ZFYVE26: variants seen among roughly 807,000 people sequenced by gnomAD.
ZFYVE26 encodes the protein zinc finger FYVE-type containing 26, also known as zinc finger FYVE domain-containing protein 26.
ZFYVE26 carries 181 observed loss-of-function variants against 276.5 expected under a neutral mutation model. That is an observed-to-expected ratio of 0.65 (90% confidence interval 0.58 to 0.74). The LOEUF (loss-of-function observed/expected upper bound fraction) is 0.74, where lower values mean the gene tolerates loss of function less well. Ranked by LOEUF, ZFYVE26 falls within the 30% of genes least tolerant of loss-of-function variation. The pLI is 0.00. For missense variants in ZFYVE26, 2,821 were observed against 3,097.9 expected (o/e 0.91, Z 2.12); for synonymous variants, 1,129 against 1,203.1 (o/e 0.94, Z 1.27).
intron 10 of ZFYVE26, among the ~76,000 whole-genome samples, chr14:67,800,770 T>C (rs2040059912): frequency 6.6e-6 from 1 of 152,140 alleles, no homozygotes; most frequent in Non-Finnish European, 1.5e-5. Context: ...AGCCTTTAGC[T>C]CTAAGGTAAA....
chr14:67,729,094 G>T (rs1594867335), intron 14 of ZFYVE26: 2 of 1,247,312 alleles, frequency 1.6e-6, no homozygotes, highest in East Asian at 2.3e-5. Context: ...TGTTTCCTGA[G>T]TCCCTCCTTC....
intron 41 of ZFYVE26, among the ~76,000 whole-genome samples, chr14:67,749,619 G>A (rs1291523607): frequency 6.6e-6 from 1 of 152,110 alleles, no homozygotes; most frequent in African/African-American, 2.4e-5. Context: ...CTGTATCAAT[G>A]CTCCATCTGT....
chr14:67,784,667 A>G (rs2039602258), intron 19 of ZFYVE26, among the ~76,000 whole-genome samples: 1 of 152,224 alleles, frequency 6.6e-6, no homozygotes, highest in African/African-American at 2.4e-5. Context: ...TTCAGTGGGC[A>G]GATCTAGCCA....
intron 38 of ZFYVE26, 42 bp from the exon 39 acceptor site, chr14:67,753,808 C>G (rs1428026135): frequency 3.7e-6 from 6 of 1,601,238 alleles, no homozygotes; most frequent in Non-Finnish European, 5.1e-6. Flanking sequence ...ATGGCAATTA[C>G]TAGAGAATAC....
intron 41 of ZFYVE26, among the ~76,000 whole-genome samples, chr14:67,749,370 C>T (rs1421110237): frequency 6.6e-6 from 1 of 152,134 alleles, no homozygotes; most frequent in East Asian, 1.9e-4. Context: ...CCAAAGGCAG[C>T]TGTTGCAGGA....
At chr14:67,766,195 G>A (rs375164187) in intron 32 of ZFYVE26, 32 bp downstream of exon 32, 115 of 1,604,900 alleles carry the variant, frequency 7.2e-5, no homozygotes, top group Non-Finnish European at 9.6e-5. Flanking sequence ...AACTGCTCCT[G>A]TGTAAAAGAA....
At chr14:67,772,003 T>A in intron 28 of ZFYVE26, 44 bp downstream of exon 28, 1 of 1,601,470 alleles carries the variant, frequency 6.2e-7, no homozygotes, top group South Asian at 1.1e-5. Flanking sequence ...AGAATTCTCC[T>A]TTACCTTCTC....
In ZFYVE26 at chr14:67,772,034, C is replaced by G; in HGVS notation, c.5484+13G>C. The G allele has an allele frequency of 1.2e-6, 2 of 1,609,444 alleles. No homozygotes were observed. Reference sequence around the variant, plus strand: ...TTCTCCTGAGGGTGACAGTGGAGACCGATGCTGCTTACCATGGTGAAGTGC... The same window carrying G: ...TTCTCCTGAGGGTGACAGTGGAGACGGATGCTGCTTACCATGGTGAAGTGC... On this transcript the variant is annotated intron_variant, in intron 28 of 41. Transcript: ENST00000347230.
chr14:67,734,675 G>A (rs1003036825), intron 13 of ZFYVE26, among the ~76,000 whole-genome samples: 6 of 152,208 alleles, frequency 3.9e-5, no homozygotes, highest in Non-Finnish European at 8.8e-5. Flanking sequence ...TAGGCAGACA[G>A]AGAAAAAGCA....
chr14:67,807,980 G>A, intron 4 of ZFYVE26, 60 bp from the exon 5 acceptor site: 1 of 1,585,818 alleles, frequency 6.3e-7, no homozygotes, highest in East Asian at 2.2e-5. Context: ...TATCACTTGT[G>A]TGCCTTCATG....
chr14:67,741,867 C>T (rs2038418164), downstream of ZFYVE26, among the ~76,000 whole-genome samples: 2 of 152,346 alleles, frequency 1.3e-5, no homozygotes, highest in African/African-American at 2.4e-5. Context: ...ACAAAGACTA[C>T]ACCTCCATCA....
At chr14:67,803,308 T>C (rs1330535000) in intron 9 of ZFYVE26, among the ~76,000 whole-genome samples, 1 of 152,110 alleles carries the variant, frequency 6.6e-6, no homozygotes, top group African/African-American at 2.4e-5. Flanking sequence ...GCAAAGATCT[T>C]AGGTTAAAAA....
chr14:67,762,772 T>C lies in ZFYVE26; in HGVS notation c.6059A>G (p.Tyr2020Cys), dbSNP rs371108982. 3.7e-6 allele frequency: 6 copies of C among 1,614,112 alleles called. No homozygotes were observed. In the African/African-American group the frequency reaches 5.3e-5, roughly 14 times the overall value. ...DVLNILVAAAYRHVPSLDQIL... is the reference protein window; with the variant it reads ...DVLNILVAAACRHVPSLDQIL... ...CTGATCCAAAGATGGCACGTGGCGA[T>C]AGGCAGCAGCAACTAAAATATTCAG... The change falls in exon 33 of 42, where the codon TAT becomes TGT. Residue 2020 changes from tyrosine to cysteine, a missense_variant. Transcript: ENST00000347230.
Position 67,815,975 on chromosome 14 carries a change from A to G in ZFYVE26, c.-12T>C, listed in dbSNP as rs1424383066. The G allele has an allele frequency of 6.2e-7, 1 of 1,603,284 alleles. No individual in the cohort carries two copies. The highest frequency in any genetic ancestry group is 8.5e-7 in the Non-Finnish European group (1 of 1,174,896). On this transcript the variant is annotated 5_prime_UTR_variant, in exon 2 of 42. Transcript: ENST00000347230. ...AATGGATGATTCATTTTCCCAGCACAGAGTGCAGGGAGATACAAAGAAATG... is the reference window on the plus strand; with the variant it reads ...AATGGATGATTCATTTTCCCAGCACGGAGTGCAGGGAGATACAAAGAAATG...
At chr14:67,807,205 A>G (rs985753647) in intron 5 of ZFYVE26, among the ~76,000 whole-genome samples, 193 bp downstream of exon 5, 1 of 152,110 alleles carries the variant, frequency 6.6e-6, no homozygotes, top group Non-Finnish European at 1.5e-5. Flanking sequence ...TTGGCCTCCC[A>G]AAGTACTAGG....
At position 67,748,636 on chromosome 14, in the gene ZFYVE26, G is replaced by A. The variant is rs756257064; in HGVS notation, c.7420C>T (p.Arg2474Trp). 2.5e-5 allele frequency: 40 copies of A among 1,613,732 alleles called. No homozygotes were observed. The highest frequency in any genetic ancestry group is 3.1e-5 in the Non-Finnish European group (36 of 1,180,034). The part of the protein sequence containing the change: ...QAIHNDDNKV[R>W]AYLICCKLRS... Reference sequence around the variant, plus strand: ...AGTTTGCAACATATCAGGTAGGCCCGAACCTGGCAGTCAGTTATAAGAGAC... The same window carrying A: ...AGTTTGCAACATATCAGGTAGGCCCAAACCTGGCAGTCAGTTATAAGAGAC... The change falls in exon 42 of 42, where the codon CGG (arginine) becomes TGG (tryptophan). Residue 2474 changes from arginine to tryptophan, a missense_variant. Arg to Trp is a moderately radical substitution (Grantham distance 101, BLOSUM62 -3). Coordinates refer to ENST00000347230, the MANE Select transcript of ZFYVE26 (RefSeq NM_015346.4).
At chr14:67,785,370 C>T in intron 18 of ZFYVE26, 93 bp from the exon 19 acceptor site, 1 of 1,135,540 alleles carries the variant, frequency 8.8e-7, no homozygotes, top group Non-Finnish European at 1.3e-6. Flanking sequence ...ACTGTGCCCC[C>T]TATACACTGC....
At position 67,754,132 on chromosome 14, in the gene ZFYVE26, G is replaced by T; in HGVS notation, c.7067C>A (p.Thr2356Asn). The T allele has an allele frequency of 6.2e-7, 1 of 1,614,242 alleles. No individual in the cohort carries two copies. The highest frequency in any genetic ancestry group is 8.5e-7 in the Non-Finnish European group (1 of 1,180,056). Residue 2356 changes from threonine to asparagine, a missense_variant, in exon 38 of 42, where the codon ACC becomes AAC. Physicochemically the swap from Thr to Asn is moderately conservative, Grantham distance 65. Coordinates refer to ENST00000347230, the MANE Select transcript of ZFYVE26 (RefSeq NM_015346.4). ...AAACAGGGTTGGCAGAGGCAAAGTG[G>T]TGATTTGAGAGGTCCCAGCACTTTC... is the stretch of plus-strand genomic sequence containing the variant. ...RCESAGTSQI[T>N]TLPLPTLFGN...
At chr14:67,758,065 G>C (rs796272260) in intron 35 of ZFYVE26, among the ~76,000 whole-genome samples, 8 of 152,242 alleles carry the variant, frequency 5.3e-5, no homozygotes, top group African/African-American at 1.7e-4. Context: ...ATAGTCCTTG[G>C]CTATTTAATA....
Sources: gnomAD v4.1 joint callset for allele counts (sites outside exome capture counted in the v4.1 genomes callset) on GRCh38, gnomAD v4.1.1 for gene constraint, MANE v1.5 for transcripts, NCBI Gene and HGNC (gene_info 2026-07-23, HGNC 2026-07-21) for gene names.